The following PLCB4 variants were observed in gnomAD, a reference collection of about 807,000 sequenced individuals.
PLCB4 encodes the protein phospholipase C beta 4.
A neutral mutation model predicts 178.8 loss-of-function variants in PLCB4; 77 were observed. That is an observed-to-expected ratio of 0.43 (90% CI 0.36 to 0.52). The LOEUF (loss-of-function observed/expected upper bound fraction) is 0.52, where lower values mean the gene tolerates loss of function less well. Among genes scored for constraint, PLCB4 ranks in the 20% least tolerant of loss-of-function variants. The pLI is 0.00. For missense variants in PLCB4, 1,024 were observed against 1,453.4 expected (o/e 0.70, Z 4.80); for synonymous variants, 496 against 490.8 (o/e 1.01, Z -0.14).
chr20:9,284,708 C>A, intron 3 of PLCB4, among the ~76,000 whole-genome samples: 1 of 151,902 alleles, frequency 6.6e-6, no homozygotes, highest in East Asian at 1.9e-4. Flanking sequence ...GAAATACCTT[C>A]TTCCACAGGA....
chr20:9,387,725 G>A (rs2037794854), intron 15 of PLCB4, among the ~76,000 whole-genome samples, 169 bp downstream of exon 15: 1 of 152,136 alleles, frequency 6.6e-6, no homozygotes. Flanking sequence ...TCCACTGAAC[G>A]TCCCCTTCAT....
At chr20:9,273,683 T>C (rs1247695395) in intron 3 of PLCB4, among the ~76,000 whole-genome samples, 1 of 143,920 alleles carries the variant, frequency 6.9e-6, no homozygotes, top group African/African-American at 2.5e-5. Flanking sequence ...GCAGTGTGTG[T>C]GTGTGTGTGT....
intron 2 of PLCB4, among the ~76,000 whole-genome samples, chr20:9,143,727 C>G (rs1457216967): frequency 6.6e-6 from 1 of 152,074 alleles, no homozygotes; most frequent in African/African-American, 2.4e-5. Context: ...GGAGATTATA[C>G]TATACAGGGT....
intron 7 of PLCB4, among the ~76,000 whole-genome samples, chr20:9,356,735 G>T (rs916701342): frequency 6.6e-6 from 1 of 152,168 alleles, no homozygotes; most frequent in Non-Finnish European, 1.5e-5. Context: ...TATTATTTGA[G>T]CAGATTAAAA....
intron 1 of PLCB4, among the ~76,000 whole-genome samples, chr20:9,090,714 A>G (rs1194053754): frequency 6.6e-6 from 1 of 152,196 alleles, no homozygotes; most frequent in Non-Finnish European, 1.5e-5. Context: ...TTGTGTATAA[A>G]TAATTACCAA....
chr20:9,208,535 CTT>C (rs1018303331), intron 2 of PLCB4, among the ~76,000 whole-genome samples: 2 of 146,096 alleles, frequency 1.4e-5, no homozygotes, highest in African/African-American at 2.5e-5. Flanking sequence ...TAAACTTTTA[CTT>C]TTTTTTTTTT....
intron 2 of PLCB4, among the ~76,000 whole-genome samples, chr20:9,126,004 T>TTG (rs374979140): frequency 2.0e-5 from 3 of 151,702 alleles, no homozygotes; most frequent in Admixed American, 6.6e-5. Flanking sequence ...GGGGACAAAT[T>TTG]TGTGTGTGTG....
intron 3 of PLCB4, among the ~76,000 whole-genome samples, chr20:9,280,798 T>A (rs1485865058): frequency 2.0e-5 from 3 of 151,806 alleles, no homozygotes; most frequent in African/African-American, 7.3e-5. Flanking sequence ...CCAGCATAAA[T>A]CCCAGCAGAA....
At chr20:9,210,621 T>C (rs980571298) in intron 2 of PLCB4, among the ~76,000 whole-genome samples, 15 of 152,304 alleles carry the variant, frequency 9.8e-5, no homozygotes, top group Admixed American at 6.5e-4. Context: ...TCATCCAAAT[T>C]TCTAAGAGAA....
chr20:9,262,860 G>A (rs2094311744), intron 3 of PLCB4, among the ~76,000 whole-genome samples: 1 of 152,188 alleles, frequency 6.6e-6, no homozygotes, highest in Admixed American at 6.5e-5. Flanking sequence ...AAAGGGGAAC[G>A]TATTGAAAGA....
chr20:9,442,945 A>G (rs1174620717), intron 30 of PLCB4, among the ~76,000 whole-genome samples: 3 of 152,200 alleles, frequency 2.0e-5, no homozygotes, highest in Admixed American at 6.5e-5. Flanking sequence ...TGAATATATC[A>G]TACCTAGCCT....
intron 2 of PLCB4, among the ~76,000 whole-genome samples, chr20:9,174,822 C>A (rs2093127174): frequency 6.6e-6 from 1 of 152,010 alleles, no homozygotes; most frequent in South Asian, 2.1e-4. Flanking sequence ...AAGAGAGTGG[C>A]AAAATTAATG....
intron 2 of PLCB4, among the ~76,000 whole-genome samples, chr20:9,163,323 G>C (rs946705974): frequency 6.6e-6 from 1 of 152,120 alleles, no homozygotes; most frequent in African/African-American, 2.4e-5. Context: ...AACCCCAAAT[G>C]TTAAGCCTCT....
chr20:9,473,115 C>T (rs2050078691), intron 37 of PLCB4, among the ~76,000 whole-genome samples, 164 bp from the exon 38 acceptor site: 1 of 152,020 alleles, frequency 6.6e-6, no homozygotes, highest in Non-Finnish European at 1.5e-5. Context: ...GAAAGATCTT[C>T]CCAGAAATAA....
intron 28 of PLCB4, among the ~76,000 whole-genome samples, chr20:9,426,122 G>GC (rs1555853309): frequency 1.3e-5 from 2 of 148,524 alleles, no homozygotes; most frequent in Non-Finnish European, 3.0e-5. Context: ...AAAAAAAAAT[G>GC]TTTTTTTTCC....
intron 3 of PLCB4, among the ~76,000 whole-genome samples, chr20:9,281,834 A>G (rs563332229): frequency 8.5e-5 from 13 of 152,142 alleles, no homozygotes; most frequent in East Asian, 5.8e-4. Flanking sequence ...TAAAATTTCA[A>G]TAAATATTCC....
intron 3 of PLCB4, among the ~76,000 whole-genome samples, chr20:9,253,561 A>G (rs184579469): frequency 2.0e-5 from 3 of 152,232 alleles, no homozygotes; most frequent in Admixed American, 6.5e-5. Flanking sequence ...TCTAGATGGC[A>G]TCTTGCACAC....
At chr20:9,358,453 C>A (rs988438325) in intron 7 of PLCB4, among the ~76,000 whole-genome samples, 6 of 152,176 alleles carry the variant, frequency 3.9e-5, no homozygotes, top group Non-Finnish European at 7.4e-5. Context: ...CAATATGCTT[C>A]TTTGACTAAA....
chr20:9,371,421 A>G (rs1488641786), intron 10 of PLCB4, 126 bp downstream of exon 10: 3 of 485,796 alleles, frequency 6.2e-6, no homozygotes, highest in Admixed American at 3.5e-5. Context: ...TCAGTGACAT[A>G]TAGTACAGTT....
Sources: gnomAD v4.1 joint callset for allele counts (sites outside exome capture counted in the v4.1 genomes callset) on GRCh38, gnomAD v4.1.1 for gene constraint, MANE v1.5 for transcripts, NCBI Gene and HGNC (gene_info 2026-07-23, HGNC 2026-07-21) for gene names.